The following MFN2 variants were observed in gnomAD, a reference collection of about 807,000 sequenced individuals.
MFN2 encodes the protein mitofusin 2, also known as mitofusin-2.
In MFN2, 43 loss-of-function variants were observed where a neutral mutation model predicts 87.5. That is an observed-to-expected ratio of 0.49 (90% confidence interval 0.38 to 0.63). MFN2 has a LOEUF of 0.63. MFN2 is among the 30% of genes least tolerant of loss of function. The probability of loss-of-function intolerance (pLI) is 0.00; values close to 1 mark genes in which losing one functional copy is unlikely to be tolerated. For synonymous variants in MFN2, 337 were observed against 359.9 expected (o/e 0.94, Z 0.72); for missense variants, 743 against 972.8 (o/e 0.76, Z 3.14).
intron 15 of MFN2, among the ~76,000 whole-genome samples, 163 bp downstream of exon 15, chr1:12,006,094 C>T (rs1300430434): frequency 1.3e-5 from 2 of 152,158 alleles, no homozygotes. Context: ...TACTGATTGA[C>T]CTGGATTTGT....
chr1:12,009,812 G>T (rs1639612212), intron 18 of MFN2, 86 bp downstream of exon 18: 2 of 1,593,470 alleles, frequency 1.3e-6, no homozygotes, highest in African/African-American at 2.7e-5. Flanking sequence ...TTGCGTCTTG[G>T]GTGTGGACAC....
intron 8 of MFN2, among the ~76,000 whole-genome samples, chr1:12,001,015 A>C (rs538012064): frequency 6.6e-6 from 1 of 152,064 alleles, no homozygotes; most frequent in African/African-American, 2.4e-5. Flanking sequence ...AGCCATGTGA[A>C]TATATTGCCT....
In MFN2 at chr1:11,989,285, C is replaced by G. The variant is rs1288073943; in HGVS notation, c.117C>G (p.Ile39Met). The change falls in exon 3 of 19, where the codon ATC becomes ATG. Residue 39 changes from isoleucine (I) to methionine (M), a missense_variant. Ile to Met is a conservative substitution (Grantham distance 10, BLOSUM62 1). Coordinates refer to ENST00000235329, the MANE Select transcript of MFN2 (RefSeq NM_014874.4). ...LKHFVTAKKK[I>M]NGIFEQLGAY... Reference sequence around the variant, plus strand: ...ACTTTGTCACTGCCAAGAAGAAGATCAATGGCATTTTTGAGCAGCTGGGGG... The same window carrying G: ...ACTTTGTCACTGCCAAGAAGAAGATGAATGGCATTTTTGAGCAGCTGGGGG... 14 of 1,614,086 alleles carry G rather than the reference C, an allele frequency of 8.7e-6. No homozygotes were observed. The highest frequency in any genetic ancestry group is 1.7e-5 in the Admixed American group (1 of 59,992).
Position 12,004,171 on chromosome 1 carries a change from C to A in MFN2, c.1287+53C>A. The A allele has an allele frequency of 6.2e-7, 1 of 1,608,294 alleles. No homozygotes were observed. The highest frequency in any genetic ancestry group is 8.5e-7 in the Non-Finnish European group (1 of 1,176,874). On this transcript the variant is annotated intron_variant, in intron 12 of 18. Coordinates refer to ENST00000235329, the MANE Select transcript of MFN2 (RefSeq NM_014874.4). The surrounding 1 kb of genome is among the most constrained non-coding windows in gnomAD (Gnocchi z 4.2). ...GAAGATTTGGACTCCGAGTAGAGTCCAGAAGAAAGCAGACCTCCTCCTCTT... is the reference window on the plus strand; with the variant it reads ...GAAGATTTGGACTCCGAGTAGAGTCAAGAAGAAAGCAGACCTCCTCCTCTT...
At chr1:11,989,794 AT>A (rs1638596473) in intron 3 of MFN2, among the ~76,000 whole-genome samples, 1 of 152,028 alleles carries the variant, frequency 6.6e-6, no homozygotes, top group Non-Finnish European at 1.5e-5. Context: ...TTTCTTTGAT[AT>A]TTTTAGATTG....
chr1:12,012,067 G>A lies in MFN2; in HGVS notation c.*502G>A. On this transcript the variant is annotated 3_prime_UTR_variant, in exon 19 of 19. Coordinates refer to ENST00000235329, the MANE Select transcript of MFN2 (RefSeq NM_014874.4). The stretch of plus-strand genomic sequence containing the variant: ...ACTGTGGCTTGTGTGTGTCCATCTC[G>A]CCTGTTGGCTCAGTGCTTCATCCCA... 1 of 179,994 alleles carries A rather than the reference G, an allele frequency of 5.6e-6. No homozygotes were observed. Among genetic ancestry groups the A allele is most frequent in the South Asian group, 1.2e-4 (1 of 8,324 alleles). 11.1% of individuals were successfully genotyped at this position (179,994 alleles called of 1,614,324 possible).
chr1:12,002,772 T>C (rs1639235068), intron 11 of MFN2, among the ~76,000 whole-genome samples: 1 of 152,238 alleles, frequency 6.6e-6, no homozygotes, highest in Non-Finnish European at 1.5e-5. Context: ...TTTTAAAAAG[T>C]TCAGTTCCCT....
intron 2 of MFN2, among the ~76,000 whole-genome samples, chr1:11,986,169 GTTACT>G (rs1638396531): frequency 1.3e-5 from 2 of 152,182 alleles, no homozygotes; most frequent in African/African-American, 4.8e-5. Flanking sequence ...GGGATGGTTA[GTTACT>G]AAAAGTCCGT....
At chr1:12,008,801 G>A (rs1211588967) in intron 17 of MFN2, among the ~76,000 whole-genome samples, 2 of 152,094 alleles carry the variant, frequency 1.3e-5, no homozygotes, top group Non-Finnish European at 2.9e-5. Context: ...CTTCTCAGAC[G>A]GGGTGGCGGC....
At chr1:12,008,840 G>A (rs1639558378) in intron 17 of MFN2, among the ~76,000 whole-genome samples, 2 of 152,358 alleles carry the variant, frequency 1.3e-5, no homozygotes, top group East Asian at 1.9e-4. Flanking sequence ...TCGGCACTTT[G>A]GGAGGCCAAG....
chr1:12,000,418 G>A (rs1161980937), intron 8 of MFN2, among the ~76,000 whole-genome samples: 1 of 152,124 alleles, frequency 6.6e-6, no homozygotes, highest in Non-Finnish European at 1.5e-5. Context: ...TTGAACTCCT[G>A]ACCTTAAGTG....
chr1:11,996,248 G>C lies in MFN2; in HGVS notation c.404G>C (p.Arg135Pro). 6.2e-7 allele frequency: 1 copy of C among 1,614,190 alleles called. No individual in the cohort carries two copies. Among genetic ancestry groups the C allele is most frequent in the Non-Finnish European group, 8.5e-7 (1 of 1,180,038 alleles). Residue 135 changes from arginine (R) to proline (P), a missense_variant, in exon 5 of 19, where the codon CGG (arginine) becomes CCG (proline). By Grantham distance (103) the Arg-to-Pro change is moderately radical. Transcript: ENST00000235329. ...GGCCACACCACCAATTGCTTCCTGC[G>C]GGTAGAGGGCACAGATGGCCATGAG... ...GIGHTTNCFLRVEGTDGHEAF... is the reference protein window; with the variant it reads ...GIGHTTNCFLPVEGTDGHEAF...
chr1:11,992,265 G>A (rs1638718703), intron 3 of MFN2: 2 of 458,340 alleles, frequency 4.4e-6, no homozygotes, highest in South Asian at 2.3e-5. Flanking sequence ...AGTTATCTCC[G>A]TTTTGTGCTT....
chr1:12,005,763 G>T lies in MFN2; in HGVS notation c.1548G>T (p.Leu516=). Residue 516 remains leucine (L), a synonymous_variant, in exon 15 of 19, where the codon CTG becomes CTT. Coordinates refer to ENST00000235329, the MANE Select transcript of MFN2 (RefSeq NM_014874.4). Reference sequence around the variant, plus strand: ...CTGTGCGGAGTCAGATAGACATGCTGGTCCCACGCCAGTGCTTCTCCCTCA... The same window carrying T: ...CTGTGCGGAGTCAGATAGACATGCTTGTCCCACGCCAGTGCTTCTCCCTCA... ...PVSVRSQIDM[L]VPRQCFSLNY... is the part of the protein sequence containing the mutation. 1 of 1,614,184 alleles carries T rather than the reference G, an allele frequency of 6.2e-7. No homozygotes were observed. Among genetic ancestry groups the T allele is most frequent in the Non-Finnish European group, 8.5e-7 (1 of 1,180,032 alleles).
Position 12,003,679 on chromosome 1 carries a change from AATC to A in MFN2, c.1161-310_1161-308del, listed in dbSNP as rs1468062288. 2.6e-5 allele frequency among the ~76,000 whole-genome samples: 4 copies of A among 152,128 alleles called. No individual in the cohort carries two copies. The highest frequency in any genetic ancestry group is 5.9e-5 in the Non-Finnish European group (4 of 68,030). On this transcript the variant is annotated intron_variant, in intron 11 of 18. Transcript: ENST00000235329. This position sits in a 1 kb window ranked among gnomAD's most constrained non-coding sequence, Gnocchi z 4.1. ...AACTCCATCTCAAAAAAAAAAAAAA[AATC>A]ATTTCTGTGATTACTAGTGAGGTTG...
chr1:12,010,101 C>T (rs970772434), intron 18 of MFN2, among the ~76,000 whole-genome samples: 5 of 152,152 alleles, frequency 3.3e-5, no homozygotes, highest in East Asian at 1.9e-4. Flanking sequence ...TTGCAGTGAG[C>T]CGAGATTATG....
intron 2 of MFN2, among the ~76,000 whole-genome samples, chr1:11,988,458 C>T (rs763278671): frequency 1.7e-4 from 25 of 147,626 alleles, no homozygotes; most frequent in Middle Eastern, 7.0e-3. Flanking sequence ...AGGCTTGTCT[C>T]GAACTCCAAA....
chr1:11,999,254 C>G (rs896888875), intron 8 of MFN2, among the ~76,000 whole-genome samples, 159 bp downstream of exon 8: 4 of 152,176 alleles, frequency 2.6e-5, no homozygotes, highest in African/African-American at 9.7e-5. Context: ...TTCTGGTGGT[C>G]TTTCCCCTCT....
chr1:12,005,426 TCTA>T (rs1389227869), intron 14 of MFN2, among the ~76,000 whole-genome samples: 1 of 152,242 alleles, frequency 6.6e-6, no homozygotes, highest in Non-Finnish European at 1.5e-5. Flanking sequence ...CCCATCTTGT[TCTA>T]CTACATGGGT....
Sources: gnomAD v4.1 joint callset for allele counts (sites outside exome capture counted in the v4.1 genomes callset) on GRCh38, gnomAD v4.1.1 for gene constraint, Gnocchi (gnomAD v3.1) non-coding constraint, MANE v1.5 for transcripts, NCBI Gene and HGNC (gene_info 2026-07-23, HGNC 2026-07-21) for gene names.